Variants in IFNAR2 observed in about 807,000 individuals in gnomAD.
The protein encoded by IFNAR2 is interferon alpha and beta receptor subunit 2, also known as interferon alpha/beta receptor 2.
IFNAR2 carries 30 observed loss-of-function variants against 49.4 expected under a neutral mutation model. The observed-to-expected ratio is 0.61, with a 90% confidence interval of 0.45 to 0.82. The LOEUF (loss-of-function observed/expected upper bound fraction) is 0.82, where lower values mean the gene tolerates loss of function less well. Among genes scored for constraint, IFNAR2 ranks in the 40% least tolerant of loss-of-function variants. The pLI, the probability that IFNAR2 is intolerant of heterozygous loss-of-function variation, is 0.00. For missense variants in IFNAR2, 600 were observed against 622.7 expected (o/e 0.96, Z 0.39); for synonymous variants, 224 against 234.5 (o/e 0.96, Z 0.41).
At chr21:33,262,701 G>A (rs1568897127) in intron 8 of IFNAR2, 92 bp from the exon 9 acceptor site, 1 of 1,540,684 alleles carries the variant, frequency 6.5e-7, no homozygotes, top group Non-Finnish European at 9.0e-7. Context: ...GTGCATCCCT[G>A]TGCCCCAGTG....
chr21:33,255,853 C>A (rs1988174336), intron 7 of IFNAR2, among the ~76,000 whole-genome samples: 1 of 152,110 alleles, frequency 6.6e-6, no homozygotes, highest in African/African-American at 2.4e-5. Context: ...CCACACCCTG[C>A]CCCATCACCT....
chr21:33,232,983 A>G (rs1986173168), intron 1 of IFNAR2: 1 of 964,724 alleles, frequency 1.0e-6, no homozygotes, highest in South Asian at 4.8e-5. Context: ...CTTACTAAAA[A>G]CAAAGAATTA....
intron 7 of IFNAR2, among the ~76,000 whole-genome samples, chr21:33,256,508 C>G (rs771391577): frequency 5.9e-5 from 9 of 152,116 alleles, no homozygotes; most frequent in African/African-American, 2.2e-4. Context: ...GGAAGGATAG[C>G]CTGAGACCAG....
chr21:33,253,771 T>C (rs1988028012), intron 7 of IFNAR2, among the ~76,000 whole-genome samples: 1 of 152,194 alleles, frequency 6.6e-6, no homozygotes, highest in Non-Finnish European at 1.5e-5. Context: ...GTAGGGTAAC[T>C]TCCTCACATT....
intron 8 of IFNAR2, among the ~76,000 whole-genome samples, 174 bp downstream of exon 8, chr21:33,260,901 T>G (rs1988523158): frequency 6.6e-6 from 1 of 151,962 alleles, no homozygotes; most frequent in African/African-American, 2.4e-5. Context: ...TTTTGCAGGG[T>G]TTTTGTTTTG....
At chr21:33,237,606 C>T (rs562037173) in intron 1 of IFNAR2, among the ~76,000 whole-genome samples, 117 of 152,290 alleles carry the variant, frequency 7.7e-4, no homozygotes, top group Non-Finnish European at 1.3e-3. Flanking sequence ...AACTAGGCAA[C>T]GCCTCTGCTG....
At chr21:33,247,959 G>A (rs1987562845) in intron 5 of IFNAR2, among the ~76,000 whole-genome samples, 2 of 152,192 alleles carry the variant, frequency 1.3e-5, no homozygotes, top group Admixed American at 1.3e-4. Flanking sequence ...ACATCTGTGT[G>A]TACACACAGA....
chr21:33,248,878 T>A, intron 6 of IFNAR2, 24 bp downstream of exon 6: 1 of 1,538,432 alleles, frequency 6.5e-7, no homozygotes, highest in Non-Finnish European at 8.8e-7. Flanking sequence ...CCTGTTAGGA[T>A]CAAAACAGTT....
rs549312274 is a variant in IFNAR2, at chr21:33,245,773, C to A, written c.221+699C>A. On this transcript the variant is annotated intron_variant, in intron 4 of 8. Coordinates refer to ENST00000342136, the MANE Select transcript of IFNAR2 (RefSeq NM_001289125.3). ...ATTTGGCCTAGAGCTGCTGCTGCTA[C>A]TGCTTATTGACTGAGCCAGTGGGAG... is the stretch of plus-strand genomic sequence containing the variant. 1.3e-4 allele frequency among the ~76,000 whole-genome samples: 20 copies of A among 152,340 alleles called. No individual in the cohort carries two copies. In the East Asian group the frequency reaches 3.9e-3, roughly 29 times the overall value.
intron 6 of IFNAR2, among the ~76,000 whole-genome samples, chr21:33,250,238 G>A (rs1987745178): frequency 6.6e-6 from 1 of 152,304 alleles, no homozygotes; most frequent in African/African-American, 2.4e-5. Context: ...ACTATGTGGA[G>A]TGTCATTAAA....
intron 8 of IFNAR2, among the ~76,000 whole-genome samples, chr21:33,262,233 C>G (rs550077259): frequency 6.6e-6 from 1 of 151,776 alleles, no homozygotes; most frequent in Non-Finnish European, 1.5e-5. Context: ...GGCATAGTGG[C>G]GGGCGCCTGT....
intron 8 of IFNAR2, 100 bp from the exon 9 acceptor site, chr21:33,262,693 G>A: frequency 2.0e-6 from 3 of 1,488,196 alleles, no homozygotes; most frequent in Non-Finnish European, 2.8e-6. Context: ...TTACAAGCGT[G>A]CATCCCTGTG....
At chr21:33,251,024 A>G (rs1987800112) in intron 6 of IFNAR2, among the ~76,000 whole-genome samples, 2 of 152,206 alleles carry the variant, frequency 1.3e-5, no homozygotes, top group African/African-American at 2.4e-5. Context: ...TCTGTTGTCC[A>G]GGAGAGAACC....
In IFNAR2 at chr21:33,263,083, C is replaced by T. The variant is rs1297320958; in HGVS notation, c.1131C>T (p.Leu377=). 4 of 1,613,974 alleles carry T rather than the reference C, an allele frequency of 2.5e-6. No individual in the cohort carries two copies. In the African/African-American group the frequency reaches 5.3e-5, roughly 22 times the overall value. ...ACCTGCCTGAGGTTGATGTGGAGCTCCCCACGATGCCAAAGGACAGCCCTC... is the reference window on the plus strand; with the variant it reads ...ACCTGCCTGAGGTTGATGTGGAGCTTCCCACGATGCCAAAGGACAGCCCTC... The part of the protein sequence containing the change: ...EPDLPEVDVE[L]PTMPKDSPQQ... The change falls in exon 9 of 9, where the codon CTC becomes CTT. Residue 377 remains leucine (L), a synonymous_variant. Coordinates refer to ENST00000342136, the MANE Select transcript of IFNAR2 (RefSeq NM_001289125.3).
chr21:33,237,078 G>GGTGGGCGTGTGTGT, intron 1 of IFNAR2, among the ~76,000 whole-genome samples: 1 of 147,698 alleles, frequency 6.8e-6, no homozygotes, highest in South Asian at 2.2e-4. Flanking sequence ...GGGAGAATGG[G>GGTGGGCGTGTGTGT]GTGTGTGTGT....
intron 4 of IFNAR2, among the ~76,000 whole-genome samples, 174 bp from the exon 5 acceptor site, chr21:33,246,544 G>A (rs1987421918): frequency 6.6e-6 from 1 of 152,226 alleles, no homozygotes; most frequent in Non-Finnish European, 1.5e-5. Flanking sequence ...TGAAAGTGCA[G>A]GGGTGGGGAG....
rs767024217 is a variant in IFNAR2, at chr21:33,252,749, G to GT, written c.631dup (p.Tyr211LeufsTer6). 6.2e-7 allele frequency: 1 copy of GT among 1,613,140 alleles called. No homozygotes were observed. The highest frequency in any genetic ancestry group is 2.2e-5 in the East Asian group (1 of 44,862). ...TCCAAACACGAACTACTGTGTATCTGTTTATTTAGAGCACAGTGATGAGCA... is the reference window on the plus strand; with the variant it reads ...TCCAAACACGAACTACTGTGTATCTGTTTTATTTAGAGCACAGTGATGAGCA... On this transcript the variant is annotated frameshift_variant, in exon 7 of 9. Transcript: ENST00000342136. LOFTEE classifies it high-confidence loss of function.
Position 33,251,484 on chromosome 21 carries a change from C to G in IFNAR2, c.541-1178C>G, listed in dbSNP as rs568795550. 7.8e-6 allele frequency: 7 copies of G among 898,298 alleles called. No homozygotes were observed. The African/African-American group carries it at 1.3e-4, about 16-fold the overall frequency. 55.6% of individuals were successfully genotyped at this position (898,298 alleles called of 1,614,324 possible). On this transcript the variant is annotated intron_variant, in intron 6 of 8. Coordinates refer to ENST00000342136, the MANE Select transcript of IFNAR2 (RefSeq NM_001289125.3). ...AGACAGTGAAGAGAGCTCATTCTTC[C>G]AAGGAATTTTTCCAAACAGGGAAGG... is the stretch of plus-strand genomic sequence containing the variant.
rs571449422 is a variant in IFNAR2, at chr21:33,252,745, A to G, written c.624A>G (p.Val208=). 1 of 1,612,754 alleles carries G rather than the reference A, an allele frequency of 6.2e-7. No homozygotes were observed. Among genetic ancestry groups the G allele is most frequent in the East Asian group, 2.2e-5 (1 of 44,858 alleles). ...TAATTCCAAACACGAACTACTGTGTATCTGTTTATTTAGAGCACAGTGATG... is the reference window on the plus strand; with the variant it reads ...TAATTCCAAACACGAACTACTGTGTGTCTGTTTATTTAGAGCACAGTGATG... ...DKLIPNTNYC[V]SVYLEHSDEQ... Residue 208 remains valine, a synonymous_variant, in exon 7 of 9, where the codon GTA becomes GTG. Coordinates refer to ENST00000342136, the MANE Select transcript of IFNAR2 (RefSeq NM_001289125.3).
Sources: gnomAD v4.1 joint callset for allele counts (sites outside exome capture counted in the v4.1 genomes callset) on GRCh38, gnomAD v4.1.1 for gene constraint, MANE v1.5 for transcripts, NCBI Gene and HGNC (gene_info 2026-07-23, HGNC 2026-07-21) for gene names.